Variants in PCDHA11 observed in about 807,000 individuals in gnomAD.
PCDHA11 encodes the protein protocadherin alpha 11.
A neutral mutation model predicts 70.3 loss-of-function variants in PCDHA11; 61 were observed. That is an observed-to-expected ratio of 0.87 (90% CI 0.71 to 1.07). The LOEUF (loss-of-function observed/expected upper bound fraction) is 1.07, where lower values mean the gene tolerates loss of function less well. Ranked by LOEUF, PCDHA11 falls within the 50% of genes least tolerant of loss-of-function variation. PCDHA11 has a pLI of 0.00. For missense variants in PCDHA11, 1,324 were observed against 1,237.5 expected (o/e 1.07, Z -1.05); for synonymous variants, 633 against 555.1 (o/e 1.14, Z -1.97).
rs556783584 is a variant in PCDHA11 at position 140,882,446 on chromosome 5, G to A, written c.2391+10952G>A. ...CCTGGGGCTGGAGCTGGCGGAGCTG[G>A]TGCCGCGCCTGTTCCGGGTGGCGTC... On this transcript the variant is annotated intron_variant, in intron 1 of 3. Coordinates refer to ENST00000398640, the MANE Select transcript of PCDHA11 (RefSeq NM_018902.5). 1.9e-5 allele frequency: 30 copies of A among 1,614,042 alleles called. No individual in the cohort carries two copies. The highest frequency in any genetic ancestry group is 1.0e-4 in the Admixed American group (6 of 60,036).
intron 3 of PCDHA11, among the ~76,000 whole-genome samples, chr5:140,987,599 C>T (rs1475170913): frequency 1.3e-5 from 2 of 152,086 alleles, no homozygotes; most frequent in Non-Finnish European, 2.9e-5. Context: ...GTGGTGTCTA[C>T]CTTATAGGGT....
intron 1 of PCDHA11, chr5:140,884,432 C>G: frequency 6.2e-7 from 1 of 1,613,880 alleles, no homozygotes; most frequent in Non-Finnish European, 8.5e-7. Context: ...TACTGCGCTG[C>G]GGTGCTCGGC....
intron 3 of PCDHA11, among the ~76,000 whole-genome samples, chr5:141,004,974 G>T (rs557503446): frequency 6.6e-6 from 1 of 152,302 alleles, no homozygotes; most frequent in South Asian, 2.1e-4. Context: ...CTGTAAATTT[G>T]CAGTATCATT....
chr5:140,885,924 TTATC>T lies in PCDHA11; in HGVS notation c.2391+14434_2391+14437del, dbSNP rs554293197. Among the ~76,000 whole-genome samples the T allele has an allele frequency of 1.1e-3, 168 of 152,304 alleles. 1 individual carries two copies. The highest frequency in any genetic ancestry group is 9.9e-3 in the South Asian group (48 of 4,826). ...TCTGTACCTTATAGATATTAACTGT[TTATC>T]TATTTTTTGACATTTTTAATTAAAA... On this transcript the variant is annotated intron_variant, in intron 1 of 3. Coordinates refer to ENST00000398640, the MANE Select transcript of PCDHA11 (RefSeq NM_018902.5).
At chr5:140,897,154 T>C (rs530327361) in intron 1 of PCDHA11, among the ~76,000 whole-genome samples, 1 of 152,332 alleles carries the variant, frequency 6.6e-6, no homozygotes, top group African/African-American at 2.4e-5. Context: ...TTAACCATTC[T>C]TCTACTGTCT....
chr5:140,885,096 A>G (rs2060465078), intron 1 of PCDHA11, among the ~76,000 whole-genome samples: 1 of 152,160 alleles, frequency 6.6e-6, no homozygotes, highest in Non-Finnish European at 1.5e-5. Flanking sequence ...AACTTTTCAC[A>G]TAAATGCTTT....
chr5:140,899,269 A>G (rs1301807291), intron 1 of PCDHA11, among the ~76,000 whole-genome samples: 43 of 152,142 alleles, frequency 2.8e-4, no homozygotes, highest in African/African-American at 1.0e-3. Flanking sequence ...GTCTTGTGGC[A>G]GTTTTCAAAG....
intron 3 of PCDHA11, among the ~76,000 whole-genome samples, chr5:140,989,708 G>T (rs2097355537): frequency 6.6e-6 from 1 of 152,154 alleles, no homozygotes; most frequent in South Asian, 2.1e-4. Context: ...ATCTTCAGAG[G>T]CAGTCAGCTT....
At chr5:140,973,089 T>G (rs534319830) in intron 1 of PCDHA11, among the ~76,000 whole-genome samples, 2 of 152,308 alleles carry the variant, frequency 1.3e-5, no homozygotes, top group East Asian at 3.9e-4. Flanking sequence ...TGGCACAACA[T>G]GTAGAAATTA....
chr5:140,877,509 G>T (rs781824762), intron 1 of PCDHA11: 21 of 1,613,700 alleles, frequency 1.3e-5, no homozygotes, highest in Non-Finnish European at 1.7e-5. Flanking sequence ...CAAAGACGTC[G>T]TCGCGGGCCT....
At chr5:140,999,524 C>T (rs1367103048) in intron 3 of PCDHA11, among the ~76,000 whole-genome samples, 1 of 152,026 alleles carries the variant, frequency 6.6e-6, no homozygotes, top group Non-Finnish European at 1.5e-5. Context: ...ATTTTGTTAC[C>T]CCCTGGATAT....
intron 1 of PCDHA11, among the ~76,000 whole-genome samples, chr5:140,908,655 G>C (rs1419890192): frequency 6.6e-6 from 1 of 152,176 alleles, no homozygotes; most frequent in East Asian, 1.9e-4. Context: ...ATGGGGGCCT[G>C]CCAAAGGCTC....
intron 1 of PCDHA11, among the ~76,000 whole-genome samples, chr5:140,911,222 T>G (rs2075377398): frequency 6.6e-6 from 1 of 152,204 alleles, no homozygotes; most frequent in African/African-American, 2.4e-5. Flanking sequence ...ATGAGAAAGC[T>G]GTTTCTTCTG....
intron 3 of PCDHA11, among the ~76,000 whole-genome samples, chr5:140,994,883 A>G (rs1197020328): frequency 2.6e-5 from 4 of 152,222 alleles, no homozygotes; most frequent in Non-Finnish European, 5.9e-5. Context: ...AAGAGATGTT[A>G]GGAAATGAGA....
intron 1 of PCDHA11, among the ~76,000 whole-genome samples, chr5:140,954,317 G>A (rs571385484): frequency 2.6e-5 from 4 of 152,292 alleles, no homozygotes; most frequent in East Asian, 3.9e-4. Context: ...GGATTGCTGC[G>A]TCAAATGGTA....
chr5:140,876,536 TG>T (rs781943442), intron 1 of PCDHA11: 1 of 1,614,238 alleles, frequency 6.2e-7, no homozygotes, highest in South Asian at 1.1e-5. Flanking sequence ...GTTACTTCAC[TG>T]TCGCTCCCTG....
rs781827236 is a variant in PCDHA11, at chr5:140,877,873, T to C, written c.2391+6379T>C. ...TTAATATTATTTAGATATATTTGTT[T>C]CCTTGAAGAACTTCCGTTTAGGTTA... On this transcript the variant is annotated intron_variant, in intron 1 of 3. Transcript: ENST00000398640. 6.8e-6 allele frequency: 10 copies of C among 1,481,404 alleles called. 1 individual carries two copies. In the Admixed American group the frequency reaches 2.1e-4, roughly 30 times the overall value. 91.8% of individuals were successfully genotyped at this position (1,481,404 alleles called of 1,614,324 possible).
intron 1 of PCDHA11, among the ~76,000 whole-genome samples, chr5:140,924,394 T>A (rs973977224): frequency 2.0e-5 from 3 of 152,176 alleles, no homozygotes; most frequent in Admixed American, 2.0e-4. Context: ...CTACTTATAT[T>A]GCCTTATATC....
At chr5:140,927,097 G>A in intron 1 of PCDHA11, 1 of 1,613,358 alleles carries the variant, frequency 6.2e-7, no homozygotes, top group Non-Finnish European at 8.5e-7. Context: ...CTTCGGGGTG[G>A]ATCTACCCAG....
Sources: allele counts gnomAD v4.1 joint callset (sites outside exome capture counted in the v4.1 genomes callset), GRCh38; gene constraint gnomAD v4.1.1; transcripts MANE v1.5; gene names NCBI Gene and HGNC (gene_info 2026-07-23, HGNC 2026-07-21).